Variants in GALNTL6 observed in about 807,000 individuals in gnomAD.
The protein encoded by GALNTL6 is polypeptide N-acetylgalactosaminyltransferase like 6.
A neutral mutation model predicts 73.7 loss-of-function variants in GALNTL6; 46 were observed. The ratio of observed to expected loss-of-function variants is 0.62; its 90% confidence interval spans 0.49 to 0.80. The LOEUF (loss-of-function observed/expected upper bound fraction) is 0.80. Among genes scored for constraint, GALNTL6 ranks in the 30% least tolerant of loss-of-function variants. The pLI is 0.00. For missense variants in GALNTL6, 604 were observed against 755.0 expected (o/e 0.80, Z 2.34); for synonymous variants, 259 against 263.7 (o/e 0.98, Z 0.17).
intron 2 of GALNTL6, among the ~76,000 whole-genome samples, chr4:172,096,078 CTCTT>C (rs1732344529): frequency 1.4e-5 from 1 of 74,068 alleles, no homozygotes; most frequent in African/African-American, 4.0e-5. Flanking sequence ...CTCTCTCTCT[CTCTT>C]TCTGTGTGTG....
rs35929447 is a variant in GALNTL6 at position 172,624,357 on chromosome 4, T to C, written c.554-185004T>C. Reference sequence around the variant, plus strand: ...CTTATTTCCACCTCTCAGGTTACAATTGTGTGGTTTTTGGTTCTTGTTATT... The same window carrying C: ...CTTATTTCCACCTCTCAGGTTACAACTGTGTGGTTTTTGGTTCTTGTTATT... On this transcript the variant is annotated intron_variant, in intron 5 of 12. Transcript: ENST00000506823. Among the ~76,000 whole-genome samples, 747 of 152,050 alleles carry C rather than the reference T, an allele frequency of 4.9e-3. 5 individuals carry two copies. The highest frequency in any genetic ancestry group is 0.016 in the African/African-American group (680 of 41,518).
At chr4:172,393,092 A>G (rs1050834982) in intron 5 of GALNTL6, among the ~76,000 whole-genome samples, 1 of 152,152 alleles carries the variant, frequency 6.6e-6, no homozygotes, top group African/African-American at 2.4e-5. Context: ...CTGAGGTGGA[A>G]CAGTTTCATC....
chr4:171,944,798 T>C (rs1380396698), intron 2 of GALNTL6, among the ~76,000 whole-genome samples: 1 of 151,736 alleles, frequency 6.6e-6, no homozygotes, highest in African/African-American at 2.4e-5. Flanking sequence ...TATTGTTGCA[T>C]TATACAAAGA....
intron 5 of GALNTL6, among the ~76,000 whole-genome samples, chr4:172,603,098 T>C (rs1037711707): frequency 2.0e-5 from 3 of 152,130 alleles, no homozygotes; most frequent in African/African-American, 7.2e-5. Flanking sequence ...GAGGCAGGAT[T>C]GTTGATGGCA....
At chr4:172,188,220 T>G (rs1236687505) in intron 2 of GALNTL6, among the ~76,000 whole-genome samples, 1 of 152,150 alleles carries the variant, frequency 6.6e-6, no homozygotes, top group Non-Finnish European at 1.5e-5. Flanking sequence ...CAACATAAAG[T>G]CTAATGTTCA....
intron 5 of GALNTL6, among the ~76,000 whole-genome samples, chr4:172,777,546 T>C (rs1274507230): frequency 6.6e-6 from 1 of 152,228 alleles, no homozygotes; most frequent in East Asian, 1.9e-4. Context: ...CAGAGTTGTT[T>C]GAAAGCTGAA....
chr4:172,761,667 CTT>C (rs60442915), intron 5 of GALNTL6, among the ~76,000 whole-genome samples: 5,905 of 109,764 alleles, frequency 0.054, 295 homozygotes, highest in African/African-American at 0.13. Context: ...CCCTTGCTCT[CTT>C]TCTCTCTCTC....
intron 4 of GALNTL6, among the ~76,000 whole-genome samples, chr4:172,337,565 TTAA>T (rs1240740771): frequency 6.6e-6 from 1 of 152,176 alleles, no homozygotes; most frequent in East Asian, 1.9e-4. Context: ...AATTTTTTTT[TTAA>T]GAGTGCTGGC....
At chr4:172,951,234 C>T (rs192418132) in intron 9 of GALNTL6, among the ~76,000 whole-genome samples, 22 of 152,220 alleles carry the variant, frequency 1.4e-4, no homozygotes, top group Non-Finnish European at 2.9e-4. Flanking sequence ...CAGCCACCCC[C>T]GTGATGCAGG....
At chr4:172,247,316 A>G (rs1016774220) in intron 3 of GALNTL6, among the ~76,000 whole-genome samples, 3 of 152,160 alleles carry the variant, frequency 2.0e-5, no homozygotes, top group Non-Finnish European at 4.4e-5. Context: ...TCCCTAAAGC[A>G]TTATCCCCTA....
In GALNTL6 at chr4:172,677,872, C is replaced by CA. The variant is rs5864149; in HGVS notation, c.554-131477dup. The stretch of plus-strand genomic sequence containing the variant: ...GAGGAAATTAATAGGGTTTTGAAGG[C>CA]AAAAAAAAAAAATTCCGAAGCAGAG... On this transcript the variant is annotated intron_variant, in intron 5 of 12. Transcript: ENST00000506823. 3.0e-3 allele frequency among the ~76,000 whole-genome samples: 422 copies of CA among 142,098 alleles called. 2 individuals are homozygous for CA. Among genetic ancestry groups the CA allele is most frequent in the African/African-American group, 9.5e-3 (368 of 38,832 alleles). 93.2% of individuals were successfully genotyped at this position (142,098 alleles called of 152,430 possible).
chr4:171,822,129 A>G (rs1055952788), intron 2 of GALNTL6, among the ~76,000 whole-genome samples: 2 of 152,126 alleles, frequency 1.3e-5, no homozygotes, highest in African/African-American at 2.4e-5. Context: ...ACTGAGAACT[A>G]CTTTTGTTGT....
intron 5 of GALNTL6, among the ~76,000 whole-genome samples, chr4:172,500,266 G>A (rs1734215560): frequency 6.6e-6 from 1 of 151,962 alleles, no homozygotes; most frequent in South Asian, 2.1e-4. Flanking sequence ...ATGAAAAATA[G>A]AAAAATTAGC....
Position 172,311,656 on chromosome 4 carries a change from A to T in GALNTL6, c.290A>T (p.Asp97Val). The change falls in exon 4 of 13, where the codon GAC (aspartate) becomes GTC (valine). Residue 97 changes from aspartate (D) to valine (V), a missense_variant. This residue lies in a region of GALNTL6 where 141 missense variants were observed against 156.6 expected (regional missense o/e 0.90). Coordinates refer to ENST00000506823, the MANE Select transcript of GALNTL6 (RefSeq NM_001034845.3). ...AAACCTTACCCCCTTACTGAAGAGG[A>T]CCATGATGACTCAGCTTACAGGGAA... ...HGKPYPLTEEDHDDSAYRENG... is the reference protein window; with the variant it reads ...HGKPYPLTEEVHDDSAYRENG... 2 of 1,612,260 alleles carry T rather than the reference A, an allele frequency of 1.2e-6. No homozygotes were observed. Among genetic ancestry groups the T allele is most frequent in the Non-Finnish European group, 1.7e-6 (2 of 1,178,798 alleles).
At chr4:172,208,644 A>T (rs1029453082) in intron 2 of GALNTL6, among the ~76,000 whole-genome samples, 3 of 151,660 alleles carry the variant, frequency 2.0e-5, no homozygotes, top group Admixed American at 6.6e-5. Context: ...TTATATATTT[A>T]AAAAAAAGAA....
At chr4:172,399,040 T>A (rs1478413818) in intron 5 of GALNTL6, among the ~76,000 whole-genome samples, 3 of 152,104 alleles carry the variant, frequency 2.0e-5, no homozygotes, top group Non-Finnish European at 2.9e-5. Flanking sequence ...TTAATATAAA[T>A]ATGTTAAAAT....
intron 2 of GALNTL6, among the ~76,000 whole-genome samples, chr4:172,178,324 A>G (rs552868351): frequency 1.3e-5 from 2 of 152,142 alleles, no homozygotes; most frequent in African/African-American, 4.8e-5. Context: ...TCTGGGATAC[A>G]TGTGCAGAAC....
chr4:172,616,152 C>G (rs1473445390), intron 5 of GALNTL6, among the ~76,000 whole-genome samples: 2 of 152,064 alleles, frequency 1.3e-5, no homozygotes, highest in Admixed American at 6.6e-5. Context: ...CATGGCAAAG[C>G]CCCCATAAGA....
chr4:172,137,423 G>T (rs145820297), intron 2 of GALNTL6, among the ~76,000 whole-genome samples: 1 of 152,270 alleles, frequency 6.6e-6, no homozygotes, highest in African/African-American at 2.4e-5. Context: ...TACAAGATTG[G>T]AATATGGTAA....
Sources: gnomAD v4.1 joint callset for allele counts (sites outside exome capture counted in the v4.1 genomes callset) on GRCh38, gnomAD v4.1.1 for gene constraint, gnomAD v4.1.1 regional missense constraint, MANE v1.5 for transcripts, NCBI Gene and HGNC (gene_info 2026-07-23, HGNC 2026-07-21) for gene names.